TUBA3C: variants seen among roughly 807,000 people sequenced by gnomAD.
The protein encoded by TUBA3C is tubulin alpha 3c, also known as tubulin alpha-3C chain.
TUBA3C carries 23 observed loss-of-function variants against 33.4 expected under a neutral mutation model. The observed-to-expected ratio is 0.69, with a 90% confidence interval of 0.50 to 0.98. TUBA3C has a LOEUF of 0.98. TUBA3C is among the 50% of genes least tolerant of loss of function. The pLI, the probability that TUBA3C is intolerant of heterozygous loss-of-function variation, is 0.00. For missense variants in TUBA3C, 402 were observed against 616.0 expected, an observed-to-expected ratio of 0.65 and a Z score of 3.68; for synonymous variants, 269 against 250.4, an observed-to-expected ratio of 1.07 and a Z score of -0.70.
In TUBA3C at chr13:19,177,201, G is replaced by T. The variant is rs544706766; in HGVS notation, c.782C>A (p.Pro261Gln). 8.7e-6 allele frequency: 14 copies of T among 1,614,142 alleles called. No individual in the cohort carries two copies. The highest frequency in any genetic ancestry group is 4.5e-5 in the East Asian group (2 of 44,872). The change falls in exon 4 of 5, where the codon CCG becomes CAG. Residue 261 changes from proline to glutamine, a missense_variant. Coordinates refer to ENST00000400113, the MANE Select transcript of TUBA3C (RefSeq NM_006001.3). The surrounding 1 kb of genome is among the most constrained non-coding windows in gnomAD (Gnocchi z 5.0). ...DLTEFQTNLV[P>Q]YPRIHFPLAT... The stretch of plus-strand genomic sequence containing the variant: ...CAGGGGGAAGTGGATGCGGGGGTAC[G>T]GCACTAGGTTGGTCTGGAATTCCGT...
intron 4 of TUBA3C, 142 bp from the exon 5 acceptor site, chr13:19,174,301 T>G: frequency 1.6e-6 from 2 of 1,284,568 alleles, no homozygotes; most frequent in Non-Finnish European, 2.1e-6. Flanking sequence ...AGCCCTTCTC[T>G]GTGCCAGGCA....
rs1593260783 is a variant in TUBA3C, at chr13:19,176,917, C to T, written c.1056+10G>A. On this transcript the variant is annotated intron_variant, in intron 4 of 4. Transcript: ENST00000400113. ...GAAAGGTACAAGGACTCCACATTAC[C>T]CAGTCATACCTTAAATCCAGTTGGG... The T allele has an allele frequency of 6.2e-7, 1 of 1,612,254 alleles. No homozygotes were observed. Among genetic ancestry groups the T allele is most frequent in the Non-Finnish European group, 8.5e-7 (1 of 1,178,716 alleles).
chr13:19,174,229 C>G lies in TUBA3C; in HGVS notation c.1057-70G>C, dbSNP rs1397695558. On this transcript the variant is annotated intron_variant, in intron 4 of 4. Coordinates refer to ENST00000400113, the MANE Select transcript of TUBA3C (RefSeq NM_006001.3). ...CCTGGAAATGGTGGCTGCTTTTCCT[C>G]AAAAAGAAGACACCCTGTAGGTGAA... 3 of 1,527,950 alleles carry G rather than the reference C, an allele frequency of 2.0e-6. No homozygotes were observed. The African/African-American group carries it at 4.1e-5, about 21-fold the overall frequency. 94.6% of individuals were successfully genotyped at this position (1,527,950 alleles called of 1,614,324 possible). A position where few individuals can be genotyped will look rare whatever the true frequency, so the allele number is the denominator to read the frequency against.
chr13:19,181,688 C>T (rs1039220327), intron 1 of TUBA3C, 57 bp downstream of exon 1: 108 of 1,600,212 alleles, frequency 6.7e-5, no homozygotes, highest in Non-Finnish European at 9.0e-5. Flanking sequence ...CTCAGGAGGC[C>T]AACTTCGTCC....
rs377062154 is a variant in TUBA3C at position 19,181,800 on chromosome 13, G to A, written c.-53C>T. The stretch of plus-strand genomic sequence containing the variant: ...ACGCTACTACTTGACCTCAACCGCC[G>A]CTGCAGCTGCGCACGCCCAACGACA... On this transcript the variant is annotated 5_prime_UTR_variant, in exon 1 of 5. Coordinates refer to ENST00000400113, the MANE Select transcript of TUBA3C (RefSeq NM_006001.3). 57 of 1,596,492 alleles carry A rather than the reference G, an allele frequency of 3.6e-5. No homozygotes were observed. The highest frequency in any genetic ancestry group is 2.3e-4 in the Admixed American group (14 of 59,772).
chr13:19,179,679 C>A, intron 1 of TUBA3C, 116 bp from the exon 2 acceptor site: 2 of 1,361,804 alleles, frequency 1.5e-6, no homozygotes, highest in Non-Finnish European at 2.0e-6. Flanking sequence ...GGTGCTTTCA[C>A]AATTGATATT....
intron 4 of TUBA3C, among the ~76,000 whole-genome samples, chr13:19,174,514 A>G (rs1869115052): frequency 6.6e-6 from 1 of 151,936 alleles, no homozygotes; most frequent in African/African-American, 2.4e-5. Flanking sequence ...CATGTGGAAA[A>G]GGTAGGTTGA....
chr13:19,178,798 G>A (rs1201324722), intron 2 of TUBA3C, among the ~76,000 whole-genome samples: 6 of 152,082 alleles, frequency 3.9e-5, no homozygotes, highest in Non-Finnish European at 7.4e-5. Flanking sequence ...ACTTCTGCAG[G>A]GCAGTCCCAT....
chr13:19,179,700 G>GT (rs1180215448), intron 1 of TUBA3C, 137 bp from the exon 2 acceptor site: 11 of 1,281,948 alleles, frequency 8.6e-6, no homozygotes, highest in Non-Finnish European at 1.2e-5. Flanking sequence ...TCCTAGGAGG[G>GT]TTAGGTGACT....
chr13:19,181,024 G>C (rs1250619422), intron 1 of TUBA3C, among the ~76,000 whole-genome samples: 2 of 148,550 alleles, frequency 1.3e-5, no homozygotes, highest in South Asian at 2.1e-4. Context: ...TTGGGACTTA[G>C]AAATCTATTC....
rs143845956 is a variant in TUBA3C, at chr13:19,173,899, G to A, written c.1317C>T (p.Ser439=). 1.9e-5 allele frequency: 31 copies of A among 1,613,674 alleles called. No individual in the cohort carries two copies. In the Middle Eastern group the frequency reaches 4.9e-4, roughly 26 times the overall value. The change falls in exon 5 of 5, where the codon TCC becomes TCT. Residue 439 remains serine, a synonymous_variant. Transcript: ENST00000400113. ...CACCTTCTTCAGCCTCGGCTTCCACGGAATCCACGCCCACCTCTTCATAAT... is the reference window on the plus strand; with the variant it reads ...CACCTTCTTCAGCCTCGGCTTCCACAGAATCCACGCCCACCTCTTCATAAT... ...EKDYEEVGVD[S]VEAEAEEGEE...
In TUBA3C at chr13:19,178,412, T is replaced by C; in HGVS notation, c.227-18A>G. On this transcript the variant is annotated intron_variant, in intron 2 of 4. Coordinates refer to ENST00000400113, the MANE Select transcript of TUBA3C (RefSeq NM_006001.3). ...CACTTCATCTACAAAAGAGACCGTATGTACTGTGAATCTTTAAGGCCTATA... is the reference window on the plus strand; with the variant it reads ...CACTTCATCTACAAAAGAGACCGTACGTACTGTGAATCTTTAAGGCCTATA... 4.3e-6 allele frequency: 7 copies of C among 1,613,830 alleles called. No homozygotes were observed. Among genetic ancestry groups the C allele is most frequent in the East Asian group, 2.2e-5 (1 of 44,880 alleles).
chr13:19,180,736 A>C (rs578141388), intron 1 of TUBA3C, among the ~76,000 whole-genome samples: 33 of 151,820 alleles, frequency 2.2e-4, no homozygotes, highest in South Asian at 8.4e-4. Context: ...ACCTTTTGAT[A>C]TGCCCGCCTT....
intron 4 of TUBA3C, among the ~76,000 whole-genome samples, chr13:19,175,900 T>A (rs573720151): frequency 2.0e-5 from 3 of 151,938 alleles, no homozygotes; most frequent in Non-Finnish European, 2.9e-5. Flanking sequence ...CCCGCCACCA[T>A]ACCCGGCTAA....
At chr13:19,176,557 C>A (rs1406102342) in intron 4 of TUBA3C, among the ~76,000 whole-genome samples, 1 of 151,746 alleles carries the variant, frequency 6.6e-6, no homozygotes, top group East Asian at 1.9e-4. Context: ...AGTTCAAGAC[C>A]AGCCTGGCCA....
chr13:19,174,904 A>G (rs575528226), intron 4 of TUBA3C, among the ~76,000 whole-genome samples: 92 of 150,134 alleles, frequency 6.1e-4, no homozygotes, highest in African/African-American at 2.3e-3. Flanking sequence ...AGAGGTTCCA[A>G]TGAGCTGAGA....
chr13:19,175,578 A>G (rs1593260248), intron 4 of TUBA3C, among the ~76,000 whole-genome samples: 1 of 152,220 alleles, frequency 6.6e-6, no homozygotes, highest in East Asian at 1.9e-4. Flanking sequence ...CTTCTCCTTC[A>G]GGGGTTAGCA....
rs769723210 is a variant in TUBA3C, at chr13:19,178,378, T to A, written c.243A>T (p.Gly81=). The change falls in exon 3 of 5, where the codon GGA becomes GGT. Residue 81 remains glycine (G), a synonymous_variant. Transcript: ENST00000400113. ...CTGGGTGGAAGAGCTGCCTATAGGT[T>A]CCTGTGCGCACTTCATCTACAAAAG... ...EPTVVDEVRT[G]TYRQLFHPEQ... is the part of the protein sequence containing the mutation. 10 of 1,614,026 alleles carry A rather than the reference T, an allele frequency of 6.2e-6. No homozygotes were observed. Among genetic ancestry groups the A allele is most frequent in the Non-Finnish European group, 5.9e-6 (7 of 1,179,954 alleles).
chr13:19,177,263 G>A lies in TUBA3C; in HGVS notation c.720C>T (p.Ala240=). The A allele has an allele frequency of 1.2e-6, 2 of 1,614,158 alleles. No individual in the cohort carries two copies. Among genetic ancestry groups the A allele is most frequent in the Non-Finnish European group, 1.7e-6 (2 of 1,180,040 alleles). The change falls in exon 4 of 5, where the codon GCC becomes GCT. Residue 240 remains alanine (A), a synonymous_variant. Coordinates refer to ENST00000400113, the MANE Select transcript of TUBA3C (RefSeq NM_006001.3). This position sits in a 1 kb window ranked among gnomAD's most constrained non-coding sequence, Gnocchi z 5.0. The stretch of plus-strand genomic sequence containing the variant: ...TCAGGGCCCCGTCAAATCGCAGGGA[G>A]GCCGTGATGGAGGACACGATCTGCC... ...LIGQIVSSIT[A]SLRFDGALNV...
Sources: allele counts gnomAD v4.1 joint callset (sites outside exome capture counted in the v4.1 genomes callset), GRCh38; gene constraint gnomAD v4.1.1; non-coding constraint Gnocchi (gnomAD v3.1); transcripts MANE v1.5; gene names NCBI Gene and HGNC (gene_info 2026-07-23, HGNC 2026-07-21).